SRBD1: variants seen among roughly 807,000 people sequenced by gnomAD.
The protein encoded by SRBD1 is S1 RNA-binding domain-containing protein 1.
In SRBD1, 88 loss-of-function variants were observed where a neutral mutation model predicts 115.3. The observed-to-expected ratio is 0.76, with a 90% CI of 0.64 to 0.91. The LOEUF is 0.91. SRBD1 is among the 40% of genes least tolerant of loss of function. The pLI is 0.00. For synonymous variants in SRBD1, 509 were observed against 407.7 expected (o/e 1.25, Z -2.99); for missense variants, 1,385 against 1,177.4 (o/e 1.18, Z -2.58).
chr2:45,545,283 T>TAAAAAAAAAAAAAAAAAAAAAAAAAAA (rs56909656), intron 14 of SRBD1, among the ~76,000 whole-genome samples: 6 of 68,576 alleles, frequency 8.7e-5, no homozygotes, highest in African/African-American at 2.0e-4. Flanking sequence ...CTGTCTCAAT[T>TAAAAAAAAAAAAAAAAAAAAAAAAAAA]AAAAAAAAAA....
At position 45,414,937 on chromosome 2, in the gene SRBD1, T is replaced by G. The variant is rs1473410048; in HGVS notation, c.2334-1644A>C. Among the ~76,000 whole-genome samples the G allele has an allele frequency of 4.5e-5, 5 of 111,444 alleles. 2 individuals carry two copies. Among genetic ancestry groups the G allele is most frequent in the Admixed American group, 9.3e-5 (1 of 10,790 alleles). 73.1% of individuals were successfully genotyped at this position (111,444 alleles called of 152,430 possible). A position where few individuals can be genotyped will look rare whatever the true frequency, so the allele number is the denominator to read the frequency against. On this transcript the variant is annotated intron_variant, in intron 18 of 20. Coordinates refer to ENST00000263736, the MANE Select transcript of SRBD1 (RefSeq NM_018079.5). The stretch of plus-strand genomic sequence containing the variant: ...GTATATAGTATGTACACACACAGTG[T>G]TATATAGTATGTACATACACACACA...
intron 18 of SRBD1, among the ~76,000 whole-genome samples, chr2:45,417,213 G>GT (rs756581960): frequency 6.6e-6 from 1 of 152,038 alleles, no homozygotes; most frequent in Non-Finnish European, 1.5e-5. Flanking sequence ...TGCTTTTACA[G>GT]TTTTTTACTT....
At chr2:45,594,413 C>A (rs1477487593) in intron 4 of SRBD1, among the ~76,000 whole-genome samples, 4 of 152,238 alleles carry the variant, frequency 2.6e-5, no homozygotes, top group Non-Finnish European at 5.9e-5. Context: ...ACAACAACCA[C>A]CTTTGGAGCA....
Position 45,391,083 on chromosome 2 carries a change from T to C in SRBD1, c.2699-1484A>G, listed in dbSNP as rs556001305. Among the ~76,000 whole-genome samples, 6 of 152,276 alleles carry C rather than the reference T, an allele frequency of 3.9e-5. No homozygotes were observed. The East Asian group carries it at 9.7e-4, about 25-fold the overall frequency. On this transcript the variant is annotated intron_variant, in intron 20 of 20. Transcript: ENST00000263736. ...TGGAAATTCTTTCTCTCTCTCTCTT[T>C]TCTTGGGGAGGTCCAGCTGCTGCAG...
chr2:45,426,541 A>C (rs1277738360), intron 16 of SRBD1, among the ~76,000 whole-genome samples: 1 of 152,188 alleles, frequency 6.6e-6, no homozygotes, highest in Non-Finnish European at 1.5e-5. Flanking sequence ...CCTGACCCCC[A>C]TGCCTCCTGA....
intron 14 of SRBD1, among the ~76,000 whole-genome samples, chr2:45,536,149 A>G (rs1671757041): frequency 6.6e-6 from 1 of 152,036 alleles, no homozygotes; most frequent in African/African-American, 2.4e-5. Flanking sequence ...ATATTTGCAT[A>G]TTATATAATA....
At chr2:45,544,227 C>T (rs771914611) in intron 14 of SRBD1, among the ~76,000 whole-genome samples, 109 of 123,202 alleles carry the variant, frequency 8.8e-4, no homozygotes, top group Non-Finnish European at 1.4e-3. Flanking sequence ...AGCAAGACTC[C>T]GGCTCAAAAA....
intron 4 of SRBD1, among the ~76,000 whole-genome samples, chr2:45,594,865 T>C (rs1182214760): frequency 2.6e-5 from 4 of 152,214 alleles, no homozygotes; most frequent in African/African-American, 9.6e-5. Context: ...GTTTCAATCT[T>C]CAATAGGCAT....
chr2:45,604,078 A>C (rs1000048450), intron 2 of SRBD1, among the ~76,000 whole-genome samples: 2 of 152,080 alleles, frequency 1.3e-5, no homozygotes, highest in African/African-American at 4.8e-5. Context: ...TATATCCCAA[A>C]TTAGACCATT....
chr2:45,449,029 C>T (rs1668910265), intron 16 of SRBD1, among the ~76,000 whole-genome samples: 1 of 152,102 alleles, frequency 6.6e-6, no homozygotes, highest in South Asian at 2.1e-4. Flanking sequence ...ATTTTATTTT[C>T]ACATTTTATT....
intron 16 of SRBD1, among the ~76,000 whole-genome samples, chr2:45,471,902 G>C (rs1300389278): frequency 6.6e-6 from 1 of 151,994 alleles, no homozygotes; most frequent in Non-Finnish European, 1.5e-5. Context: ...ATATATATTT[G>C]TGGCAAATAA....
chr2:45,589,912 A>G (rs944703375), intron 4 of SRBD1, among the ~76,000 whole-genome samples: 4 of 152,232 alleles, frequency 2.6e-5, no homozygotes, highest in African/African-American at 9.6e-5. Context: ...AATAGTCAAC[A>G]TACAGTATGG....
At chr2:45,576,805 C>A (rs1281053474) in intron 7 of SRBD1, among the ~76,000 whole-genome samples, 1 of 152,076 alleles carries the variant, frequency 6.6e-6, no homozygotes, top group Non-Finnish European at 1.5e-5. Flanking sequence ...AAAGATGGAA[C>A]CTACAGGGAG....
chr2:45,487,023 G>A (rs1192259972), intron 15 of SRBD1, among the ~76,000 whole-genome samples: 1 of 152,100 alleles, frequency 6.6e-6, no homozygotes, highest in Non-Finnish European at 1.5e-5. Flanking sequence ...CTTCCCAGGA[G>A]AAGCAAGATT....
intron 14 of SRBD1, among the ~76,000 whole-genome samples, chr2:45,515,318 G>C (rs1452631004): frequency 6.6e-6 from 1 of 152,148 alleles, no homozygotes; most frequent in African/African-American, 2.4e-5. Context: ...AAGGTAGAGA[G>C]GTTGGGTAAT....
At chr2:45,538,076 G>C (rs538730569) in intron 14 of SRBD1, among the ~76,000 whole-genome samples, 2 of 152,192 alleles carry the variant, frequency 1.3e-5, no homozygotes, top group Non-Finnish European at 2.9e-5. Flanking sequence ...ACTGAGCAGC[G>C]AAGTAACGCA....
chr2:45,484,112 T>C (rs960198541), intron 15 of SRBD1, among the ~76,000 whole-genome samples: 2 of 152,092 alleles, frequency 1.3e-5, no homozygotes, highest in African/African-American at 4.8e-5. Flanking sequence ...TCCAAGTAGC[T>C]TTTTTTCTTC....
chr2:45,503,893 A>T (rs73927511), intron 14 of SRBD1, among the ~76,000 whole-genome samples: 1,815 of 152,236 alleles, frequency 0.012, 30 homozygotes, highest in African/African-American at 0.034. Context: ...CTATGGAAAA[A>T]CTGTTATAAT....
intron 3 of SRBD1, among the ~76,000 whole-genome samples, chr2:45,601,451 C>G (rs559711857): frequency 6.6e-6 from 1 of 152,302 alleles, no homozygotes; most frequent in Admixed American, 6.5e-5. Flanking sequence ...TATATCTGTT[C>G]CCAAAATGTT....
Sources: gnomAD v4.1 joint callset for allele counts (sites outside exome capture counted in the v4.1 genomes callset) on GRCh38, gnomAD v4.1.1 for gene constraint, MANE v1.5 for transcripts, NCBI Gene and HGNC (gene_info 2026-07-23, HGNC 2026-07-21) for gene names.